Variants in INPP4B observed in about 807,000 individuals in gnomAD.
INPP4B encodes inositol polyphosphate 4-phosphatase type II.
Under a neutral mutation model 122.5 loss-of-function variants are expected in INPP4B, and 55 were observed. That is an observed-to-expected ratio of 0.45 (90% confidence interval 0.36 to 0.56). The LOEUF (loss-of-function observed/expected upper bound fraction) is 0.56, where lower values mean the gene tolerates loss of function less well. INPP4B is among the 20% of genes least tolerant of loss of function. The probability of loss-of-function intolerance (pLI) is 0.00; values close to 1 mark genes in which losing one functional copy is unlikely to be tolerated. For synonymous variants in INPP4B, 403 were observed against 388.7 expected (o/e 1.04, Z -0.43); for missense variants, 1,000 against 1,097.7 (o/e 0.91, Z 1.26).
chr4:142,121,830 A>G (rs1425387992), intron 21 of INPP4B, among the ~76,000 whole-genome samples: 1 of 152,136 alleles, frequency 6.6e-6, no homozygotes, highest in African/African-American at 2.4e-5. Flanking sequence ...GCTTTGGATG[A>G]GATAGTAATA....
At chr4:142,195,645 A>C (rs1314232587) in intron 14 of INPP4B, among the ~76,000 whole-genome samples, 1 of 152,190 alleles carries the variant, frequency 6.6e-6, no homozygotes, top group African/African-American at 2.4e-5. Context: ...TATTCCACTA[A>C]GCCTAAACTA....
At chr4:142,383,325 T>C (rs766599438) in intron 7 of INPP4B, among the ~76,000 whole-genome samples, 5 of 152,202 alleles carry the variant, frequency 3.3e-5, no homozygotes, top group Non-Finnish European at 7.3e-5. Context: ...TTTTTCCCAA[T>C]ATAGTCACAG....
At chr4:142,566,341 A>C (rs905392163) in intron 2 of INPP4B, among the ~76,000 whole-genome samples, 1 of 152,174 alleles carries the variant, frequency 6.6e-6, no homozygotes, top group Non-Finnish European at 1.5e-5. Context: ...TTAACACAGA[A>C]ATAATATGAA....
At chr4:142,325,981 T>A (rs1004149752) in intron 7 of INPP4B, among the ~76,000 whole-genome samples, 1 of 152,208 alleles carries the variant, frequency 6.6e-6, no homozygotes, top group Admixed American at 6.5e-5. Context: ...CCTTCCTTTA[T>A]CAGAGAATCA....
chr4:142,450,204 C>G (rs1180880022), intron 3 of INPP4B, among the ~76,000 whole-genome samples: 1 of 152,192 alleles, frequency 6.6e-6, no homozygotes, highest in Non-Finnish European at 1.5e-5. Flanking sequence ...CTGGCAAGGA[C>G]AGACCAAAGT....
At chr4:142,440,681 A>G (rs993385082) in intron 3 of INPP4B, among the ~76,000 whole-genome samples, 2 of 152,184 alleles carry the variant, frequency 1.3e-5, no homozygotes, top group African/African-American at 4.8e-5. Flanking sequence ...TGGAGCTTTA[A>G]AAATACATTC....
chr4:142,405,350 G>A (rs540623340), intron 5 of INPP4B, 26 bp from the exon 6 acceptor site: 1 of 1,347,692 alleles, frequency 7.4e-7, no homozygotes. Context: ...GAGACAGAAA[G>A]AAAAGAAACT....
At chr4:142,670,162 A>G (rs1435026790) in intron 2 of INPP4B, among the ~76,000 whole-genome samples, 5 of 152,182 alleles carry the variant, frequency 3.3e-5, no homozygotes, top group African/African-American at 1.2e-4. Context: ...TCAGATCAAA[A>G]AAACATAGTA....
chr4:142,134,044 G>C (rs1802694216), intron 18 of INPP4B, among the ~76,000 whole-genome samples: 1 of 152,080 alleles, frequency 6.6e-6, no homozygotes, highest in Non-Finnish European at 1.5e-5. Flanking sequence ...TTTGCTACTA[G>C]AGCATAAACT....
chr4:142,807,572 C>G (rs1248022693), intron 1 of INPP4B, among the ~76,000 whole-genome samples: 1 of 152,100 alleles, frequency 6.6e-6, no homozygotes, highest in Middle Eastern at 3.2e-3. Context: ...TGGCCAGATG[C>G]ATCTGTTCAC....
chr4:142,112,118 A>C (rs922726216), intron 22 of INPP4B, among the ~76,000 whole-genome samples: 7 of 152,218 alleles, frequency 4.6e-5, no homozygotes, highest in African/African-American at 1.7e-4. Context: ...CATTATTAAA[A>C]AAGCTAACAT....
intron 7 of INPP4B, among the ~76,000 whole-genome samples, chr4:142,358,303 A>T (rs115030997): frequency 0.011 from 1,646 of 152,062 alleles, 39 homozygotes; most frequent in African/African-American, 0.038. Context: ...TTGTTTTTAC[A>T]TCATGGTAGA....
At chr4:142,818,993 A>T (rs528336415) in intron 1 of INPP4B, among the ~76,000 whole-genome samples, 1 of 152,310 alleles carries the variant, frequency 6.6e-6, no homozygotes, top group Non-Finnish European at 1.5e-5. Context: ...CCAAAAGAGC[A>T]GTTGGCTCCC....
At chr4:142,260,284 G>A (rs1739225319) in intron 11 of INPP4B, among the ~76,000 whole-genome samples, 1 of 151,980 alleles carries the variant, frequency 6.6e-6, no homozygotes, top group Non-Finnish European at 1.5e-5. Flanking sequence ...GCGCCTGGCT[G>A]ACCATATTTG....
At chr4:142,258,810 T>A (rs1428165369) in intron 11 of INPP4B, among the ~76,000 whole-genome samples, 1 of 152,096 alleles carries the variant, frequency 6.6e-6, no homozygotes, top group African/African-American at 2.4e-5. Flanking sequence ...TCCTCAGGGA[T>A]CTAGAACTAG....
chr4:142,699,490 G>A (rs1761445189), intron 2 of INPP4B, among the ~76,000 whole-genome samples: 1 of 152,096 alleles, frequency 6.6e-6, no homozygotes, highest in Non-Finnish European at 1.5e-5. Flanking sequence ...CACCTACTCT[G>A]TCCTTTTACC....
Position 142,833,284 on chromosome 4 carries a change from A to G in INPP4B, c.-254+12925T>C, listed in dbSNP as rs535337221. On this transcript the variant is annotated intron_variant, in intron 1 of 25. Coordinates refer to ENST00000262992, the MANE Select transcript of INPP4B (RefSeq NM_001101669.3). ...ATAATGCAGCAATTTTATTTATGAT[A>G]CCCATAGAGTCAATTGAGTGTACTT... Among the ~76,000 whole-genome samples the G allele has an allele frequency of 1.1e-3, 165 of 152,218 alleles. 1 individual carries two copies. Among genetic ancestry groups the G allele is most frequent in the African/African-American group, 3.4e-3 (143 of 41,550 alleles).
At chr4:142,624,302 A>T (rs1745745797) in intron 2 of INPP4B, among the ~76,000 whole-genome samples, 1 of 151,404 alleles carries the variant, frequency 6.6e-6, no homozygotes, top group Admixed American at 6.6e-5. Flanking sequence ...TTTGATTTGC[A>T]TTTCTCTGAT....
rs551455434 is a variant in INPP4B, at chr4:142,495,853, T to G, written c.-190-33127A>C. Among the ~76,000 whole-genome samples, 3 of 152,288 alleles carry G rather than the reference T, an allele frequency of 2.0e-5. No homozygotes were observed. In the East Asian group the frequency reaches 5.8e-4, roughly 29 times the overall value. ...CTTTGCTGAGTGGGCACCAAAACAT[T>G]GCTGATCTCTTTCTCCCAGGAGTGA... On this transcript the variant is annotated intron_variant, in intron 2 of 25. Transcript: ENST00000262992.
Sources: allele counts gnomAD v4.1 joint callset (sites outside exome capture counted in the v4.1 genomes callset), GRCh38; gene constraint gnomAD v4.1.1; transcripts MANE v1.5; gene names NCBI Gene and HGNC (gene_info 2026-07-23, HGNC 2026-07-21).